KALRN: variants seen among roughly 807,000 people sequenced by gnomAD.
KALRN encodes the protein kalirin.
In KALRN, 70 loss-of-function variants were observed where a neutral mutation model predicts 353.7. The ratio of observed to expected loss-of-function variants is 0.20; its 90% confidence interval spans 0.16 to 0.24. The LOEUF is 0.24. Among genes scored for constraint, KALRN ranks in the 10% least tolerant of loss-of-function variants. The pLI, the probability that KALRN is intolerant of heterozygous loss-of-function variation, is 1.00. For synonymous variants in KALRN, 1,391 were observed against 1,434.8 expected (o/e 0.97, Z 0.69); for missense variants, 2,791 against 3,756.7 (o/e 0.74, Z 6.72).
chr3:124,101,024 G>C (rs182218847), intron 1 of KALRN, among the ~76,000 whole-genome samples: 16 of 152,302 alleles, frequency 1.1e-4, no homozygotes, highest in Admixed American at 1.0e-3. Flanking sequence ...CACTACATGG[G>C]AATAGTAAAC....
intron 57 of KALRN, among the ~76,000 whole-genome samples, chr3:124,702,696 T>C (rs1260495556): frequency 2.2e-4 from 33 of 152,168 alleles, no homozygotes; most frequent in Admixed American, 2.2e-3. Flanking sequence ...AATTGTTGGA[T>C]ATACATCTCT....
At chr3:124,121,128 G>A (rs1467187697) in intron 1 of KALRN, among the ~76,000 whole-genome samples, 1 of 148,060 alleles carries the variant, frequency 6.8e-6, no homozygotes, top group Non-Finnish European at 1.5e-5. Flanking sequence ...ATCAGAAATG[G>A]CTACTTAAAA....
chr3:124,431,533 G>A (rs1391374726), intron 16 of KALRN, among the ~76,000 whole-genome samples: 1 of 152,120 alleles, frequency 6.6e-6, no homozygotes, highest in East Asian at 1.9e-4. Flanking sequence ...AGGAAAAAGA[G>A]TAGGAAATGG....
intron 6 of KALRN, among the ~76,000 whole-genome samples, chr3:124,310,921 AGAC>A (rs2078185121): frequency 1.3e-5 from 2 of 152,300 alleles, no homozygotes; most frequent in African/African-American, 4.8e-5. Flanking sequence ...AATAATAAAA[AGAC>A]AACCCAATTA....
chr3:124,406,832 C>CTTTTTTTTTTT (rs10686645), intron 13 of KALRN, among the ~76,000 whole-genome samples: 1 of 126,314 alleles, frequency 7.9e-6, no homozygotes. Context: ...AGTTGCTTTG[C>CTTTTTTTTTTT]TTTTTTTTTT....
At chr3:124,367,439 G>A (rs1325460069) in intron 10 of KALRN, among the ~76,000 whole-genome samples, 1 of 77,952 alleles carries the variant, frequency 1.3e-5, no homozygotes. Context: ...CCTCCCGGAC[G>A]GGGCGGCTGG....
At chr3:124,550,441 G>A (rs937108630) in intron 33 of KALRN, among the ~76,000 whole-genome samples, 2 of 152,080 alleles carry the variant, frequency 1.3e-5, no homozygotes, top group Non-Finnish European at 2.9e-5. Flanking sequence ...TTTCATCCAG[G>A]AAACATGTAT....
chr3:124,391,775 G>A (rs1277007348), intron 11 of KALRN, among the ~76,000 whole-genome samples: 1 of 152,222 alleles, frequency 6.6e-6, no homozygotes, highest in Admixed American at 6.5e-5. Flanking sequence ...CCACCAGGCA[G>A]TGACTGTGTG....
chr3:124,711,959 T>C (rs1048980412), intron 57 of KALRN, among the ~76,000 whole-genome samples: 4 of 152,156 alleles, frequency 2.6e-5, no homozygotes, highest in African/African-American at 9.7e-5. Flanking sequence ...TAAAATGAAA[T>C]GATGGACTCT....
chr3:124,435,419 C>G (rs1442200514), intron 17 of KALRN, among the ~76,000 whole-genome samples: 1 of 152,144 alleles, frequency 6.6e-6, no homozygotes, highest in African/African-American at 2.4e-5. Flanking sequence ...ATCTGTACAG[C>G]AATATGCACA....
intron 57 of KALRN, among the ~76,000 whole-genome samples, chr3:124,705,279 A>C (rs1332480328): frequency 6.6e-6 from 1 of 152,136 alleles, no homozygotes; most frequent in Non-Finnish European, 1.5e-5. Context: ...TGCAGGGTTT[A>C]TTTTATTTTA....
intron 10 of KALRN, among the ~76,000 whole-genome samples, chr3:124,366,150 GC>G (rs2084661235): frequency 1.3e-5 from 2 of 152,140 alleles, no homozygotes; most frequent in South Asian, 4.2e-4. Flanking sequence ...GTCTGATGGG[GC>G]TACAGAGACA....
intron 2 of KALRN, among the ~76,000 whole-genome samples, chr3:124,234,604 A>C (rs1165208086): frequency 2.6e-5 from 4 of 152,126 alleles, no homozygotes; most frequent in Non-Finnish European, 2.9e-5. Context: ...TACTGTTTTC[A>C]TCTGCCTTCT....
intron 34 of KALRN, among the ~76,000 whole-genome samples, chr3:124,596,366 T>C (rs969127754): frequency 1.3e-5 from 2 of 151,582 alleles, no homozygotes; most frequent in Non-Finnish European, 2.9e-5. Flanking sequence ...ACTTGGGAGG[T>C]TGAGGCAGGA....
chr3:124,060,871 C>T (rs1204507683), intron 1 of KALRN, among the ~76,000 whole-genome samples: 1 of 152,216 alleles, frequency 6.6e-6, no homozygotes, highest in African/African-American at 2.4e-5. Flanking sequence ...GTAGGGAAGC[C>T]AGGCAAGGCC....
intron 1 of KALRN, among the ~76,000 whole-genome samples, chr3:124,188,807 C>T (rs535683204): frequency 5.9e-5 from 9 of 152,330 alleles, no homozygotes; most frequent in Admixed American, 1.3e-4. Context: ...TAATGACTCA[C>T]AGCAAAGCAG....
Position 124,488,234 on chromosome 3 carries a change from G to A in KALRN, c.4315G>A (p.Gly1439Arg), listed in dbSNP as rs781743389. The A allele has an allele frequency of 6.2e-7, 1 of 1,613,798 alleles. No homozygotes were observed. The highest frequency in any genetic ancestry group is 8.5e-7 in the Non-Finnish European group (1 of 1,179,780). Residue 1439 changes from glycine to arginine, a missense_variant, in exon 29 of 60, where the codon GGG becomes AGG. Gly to Arg is a moderately radical substitution (Grantham distance 125, BLOSUM62 -2). Coordinates refer to ENST00000682506, the MANE Select transcript of KALRN (RefSeq NM_001388419.1). ...TTTAACTTGCTGTGAAGAAGGGAAA[G>A]GGGAGCTCAAGGATGGCCTGGAGGT... ...ELLTCCEEGKGELKDGLEVML... is the reference protein window; with the variant it reads ...ELLTCCEEGKRELKDGLEVML...
intron 1 of KALRN, among the ~76,000 whole-genome samples, chr3:124,208,247 T>C (rs1047528567): frequency 2.0e-5 from 3 of 152,218 alleles, no homozygotes; most frequent in Non-Finnish European, 4.4e-5. Flanking sequence ...GAAGGGGCTT[T>C]TCCTGTACTG....
At chr3:124,378,692 T>C (rs2086913037) in intron 10 of KALRN, among the ~76,000 whole-genome samples, 1 of 152,006 alleles carries the variant, frequency 6.6e-6, no homozygotes. Flanking sequence ...TTGTTTTTTT[T>C]TTTATTTGTT....
Sources: gnomAD v4.1 joint callset for allele counts (sites outside exome capture counted in the v4.1 genomes callset) on GRCh38, gnomAD v4.1.1 for gene constraint, MANE v1.5 for transcripts, NCBI Gene and HGNC (gene_info 2026-07-23, HGNC 2026-07-21) for gene names.